COL4A6: variants seen among roughly 807,000 people sequenced by gnomAD.
The protein encoded by COL4A6 is collagen type IV alpha 6 chain.
A neutral mutation model predicts 126.7 loss-of-function variants in COL4A6; 59 were observed. The observed-to-expected ratio is 0.47, with a 90% CI of 0.38 to 0.58. COL4A6 has a LOEUF of 0.58. COL4A6 is among the 20% of genes least tolerant of loss of function. The pLI is 0.00. For synonymous variants in COL4A6, 547 were observed against 496.6 expected, an observed-to-expected ratio of 1.10 and a Z score of -1.35; for missense variants, 1,285 against 1,337.3, an observed-to-expected ratio of 0.96 and a Z score of 0.61.
At chrX:108,263,280 T>A (rs1602954642) in intron 3 of COL4A6, among the ~76,000 whole-genome samples, 2 of 111,843 alleles carry the variant, frequency 1.8e-5, no homozygotes, top group South Asian at 3.7e-4. Flanking sequence ...ATTCGAATCA[T>A]CCAGATTCCA....
intron 4 of COL4A6, 43 bp from the exon 5 acceptor site, chrX:108,219,785 C>T (rs774986262): frequency 8.8e-5 from 96 of 1,091,800 alleles, no homozygotes; most frequent in Middle Eastern, 2.5e-4. Context: ...CACAATCCAA[C>T]TGATGTTTGT....
chrX:108,172,409 T>C, intron 32 of COL4A6, 60 bp downstream of exon 32: 1 of 602,249 alleles, frequency 1.7e-6, no homozygotes, highest in Non-Finnish European at 2.5e-6. Flanking sequence ...CCCTTGGGCC[T>C]GCTAGAAATC....
chrX:108,279,732 C>T (rs979080127), intron 3 of COL4A6, among the ~76,000 whole-genome samples: 2 of 111,650 alleles, frequency 1.8e-5, no homozygotes, highest in Non-Finnish European at 3.8e-5. Flanking sequence ...AAATTGACCA[C>T]ATAGTTGGAA....
In COL4A6 at chrX:108,179,342, G is replaced by A; in HGVS notation, c.2228C>T (p.Pro743Leu). Residue 743 changes from proline to leucine, a missense_variant, in exon 26 of 45, where the codon CCT (proline) becomes CTT (leucine). Pro to Leu is a moderately conservative substitution (Grantham distance 98). Coordinates refer to ENST00000334504, the MANE Select transcript of COL4A6 (RefSeq NM_033641.4). ...LPGMIGSPGL[P>L]GSKGATGDIF... is the part of the protein sequence containing the mutation. ...GTCACCAGTGGCTCCCTTGGAACCA[G>A]GTAAGCCTGGACTGCCAATCATCCC... 8.3e-7 allele frequency: 1 copy of A among 1,211,180 alleles called. No individual in the cohort carries two copies. The highest frequency in any genetic ancestry group is 1.7e-5 in the African/African-American group (1 of 57,635).
chrX:108,183,915 A>T (rs1347682850), intron 23 of COL4A6: 19 of 290,378 alleles, frequency 6.5e-5, no homozygotes, highest in Middle Eastern at 9.5e-4. Context: ...CCCACATGAG[A>T]TCAAGCACAC....
intron 27 of COL4A6, among the ~76,000 whole-genome samples, chrX:108,177,863 A>G (rs1221342753): frequency 9.0e-6 from 1 of 111,437 alleles, no homozygotes; most frequent in Non-Finnish European, 1.9e-5. Flanking sequence ...GAAAAATTCA[A>G]TGGGAGCCAA....
chrX:108,400,107 A>T (rs2041053565), intron 2 of COL4A6, among the ~76,000 whole-genome samples: 1 of 111,591 alleles, frequency 9.0e-6, no homozygotes, highest in Admixed American at 9.5e-5. Flanking sequence ...TGTAGAGATT[A>T]TTATTTGCTA....
intron 2 of COL4A6, among the ~76,000 whole-genome samples, chrX:108,391,482 C>T (rs948784325): frequency 4.5e-5 from 5 of 111,581 alleles, no homozygotes; most frequent in Non-Finnish European, 9.4e-5. Flanking sequence ...TTTGTTTACA[C>T]TGTGAGGGTA....
intron 2 of COL4A6, among the ~76,000 whole-genome samples, chrX:108,333,255 T>A (rs1296007992): frequency 9.0e-6 from 1 of 111,414 alleles, no homozygotes; most frequent in Non-Finnish European, 1.9e-5. Flanking sequence ...TATGCAAAGA[T>A]GGTTCAATAT....
At chrX:108,350,531 T>C (rs2039814416) in intron 2 of COL4A6, among the ~76,000 whole-genome samples, 1 of 111,479 alleles carries the variant, frequency 9.0e-6, no homozygotes, top group Non-Finnish European at 1.9e-5. Flanking sequence ...GAACCAGAGT[T>C]GTAGGAATTG....
At position 108,282,190 on chromosome X, in the gene COL4A6, A is replaced by G. The variant is rs778130997; in HGVS notation, c.144+28558T>C. On this transcript the variant is annotated intron_variant, in intron 3 of 44. Coordinates refer to ENST00000334504, the MANE Select transcript of COL4A6 (RefSeq NM_033641.4). ...GAGCTTCTGCACAGCAAAAGAAAATACCATCAGAGTGCACAGGCAACCTAC... is the reference window on the plus strand; with the variant it reads ...GAGCTTCTGCACAGCAAAAGAAAATGCCATCAGAGTGCACAGGCAACCTAC... 3.0e-5 allele frequency among the ~76,000 whole-genome samples: 3 copies of G among 98,734 alleles called. No homozygotes were observed. In the East Asian group the frequency reaches 9.6e-4, roughly 32 times the overall value. 85.7% of individuals were successfully genotyped at this position (98,734 alleles called of 115,157 possible). A position where few individuals can be genotyped will look rare whatever the true frequency, so the allele number is the denominator to read the frequency against.
chrX:108,346,985 T>A (rs1261129616), intron 2 of COL4A6, among the ~76,000 whole-genome samples: 1 of 111,860 alleles, frequency 8.9e-6, no homozygotes, highest in Non-Finnish European at 1.9e-5. Flanking sequence ...TTTCCTAGAG[T>A]GTCGTTTATT....
intron 2 of COL4A6, among the ~76,000 whole-genome samples, chrX:108,388,640 AT>A (rs1402944664): frequency 9.1e-6 from 1 of 110,368 alleles, no homozygotes. Context: ...CAGTCTATTT[AT>A]TTTGTTGATC....
In COL4A6 at chrX:108,228,791, G is replaced by A. The variant is rs1569367600; in HGVS notation, c.145-7417C>T. 2.7e-5 allele frequency among the ~76,000 whole-genome samples: 3 copies of A among 112,284 alleles called. No individual in the cohort carries two copies. The Admixed American group carries it at 2.8e-4, about 11-fold the overall frequency. On this transcript the variant is annotated intron_variant, in intron 3 of 44. Coordinates refer to ENST00000334504, the MANE Select transcript of COL4A6 (RefSeq NM_033641.4). The stretch of plus-strand genomic sequence containing the variant: ...TTACCTCCCATTGGGTCCCTCCCAC[G>A]ACATGTGGGGATTACGGGAACTACA...
At chrX:108,246,653 G>A (rs773150449) in intron 3 of COL4A6, among the ~76,000 whole-genome samples, 2 of 111,655 alleles carry the variant, frequency 1.8e-5, no homozygotes, top group Non-Finnish European at 3.8e-5. Context: ...AATCTGGCCA[G>A]GGTATCATAA....
intron 2 of COL4A6, among the ~76,000 whole-genome samples, chrX:108,386,778 G>T (rs1399475549): frequency 8.9e-6 from 1 of 111,956 alleles, no homozygotes; most frequent in Non-Finnish European, 1.9e-5. Flanking sequence ...TTTTAGTCAT[G>T]AAGTGTTTGC....
intron 2 of COL4A6, among the ~76,000 whole-genome samples, chrX:108,361,669 A>C (rs370690081): frequency 1.3e-4 from 14 of 111,684 alleles, no homozygotes; most frequent in African/African-American, 4.6e-4. Context: ...ACAACCCAGA[A>C]TCTTTTCACA....
intron 3 of COL4A6, among the ~76,000 whole-genome samples, chrX:108,238,971 G>C (rs1298197306): frequency 3.6e-5 from 4 of 112,195 alleles, no homozygotes; most frequent in Non-Finnish European, 7.5e-5. Context: ...TCATAGGCTT[G>C]TTAGCCAATG....
At chrX:108,378,359 A>G (rs756435533) in intron 2 of COL4A6, among the ~76,000 whole-genome samples, 13 of 112,200 alleles carry the variant, frequency 1.2e-4, no homozygotes, top group African/African-American at 3.9e-4. Context: ...ATGAAGAAAG[A>G]ACCTATAAAT....
Sources: gnomAD v4.1 joint callset for allele counts (sites outside exome capture counted in the v4.1 genomes callset) on GRCh38, gnomAD v4.1.1 for gene constraint, MANE v1.5 for transcripts, NCBI Gene and HGNC (gene_info 2026-07-23, HGNC 2026-07-21) for gene names.